PICALM: variants seen among roughly 807,000 people sequenced by gnomAD.
PICALM encodes the protein phosphatidylinositol binding clathrin assembly protein, also known as phosphatidylinositol-binding clathrin assembly protein.
Under a neutral mutation model 80.5 loss-of-function variants are expected in PICALM, and 40 were observed. The ratio of observed to expected loss-of-function variants is 0.50; its 90% CI spans 0.39 to 0.65. The LOEUF (loss-of-function observed/expected upper bound fraction) is 0.65. Among genes scored for constraint, PICALM ranks in the 30% least tolerant of loss-of-function variants. The pLI is 0.00. For missense variants in PICALM, 676 were observed against 778.9 expected (o/e 0.87, Z 1.57); for synonymous variants, 288 against 260.3 (o/e 1.11, Z -1.02).
chr11:86,051,578 T>C (rs2096188366), intron 1 of PICALM, among the ~76,000 whole-genome samples: 2 of 152,132 alleles, frequency 1.3e-5, no homozygotes, highest in African/African-American at 4.8e-5. Flanking sequence ...GGAGAATCAC[T>C]TGAACCTGGG....
intron 1 of PICALM, among the ~76,000 whole-genome samples, chr11:86,044,329 T>C (rs1344378710): frequency 6.6e-6 from 1 of 152,196 alleles, no homozygotes; most frequent in Non-Finnish European, 1.5e-5. Context: ...CTGACCATCA[T>C]GATCAACTAC....
At chr11:85,989,990 C>T (rs572347661) in intron 13 of PICALM, among the ~76,000 whole-genome samples, 14 of 111,342 alleles carry the variant, frequency 1.3e-4, no homozygotes, top group Non-Finnish European at 1.9e-4. Flanking sequence ...CACTATAACA[C>T]GACAGAGAAC....
chr11:86,048,874 A>G (rs1356286411), intron 1 of PICALM, among the ~76,000 whole-genome samples: 1 of 151,916 alleles, frequency 6.6e-6, no homozygotes, highest in Admixed American at 6.6e-5. Flanking sequence ...CTGCCTGCTA[A>G]ACTGTAACTT....
intron 1 of PICALM, among the ~76,000 whole-genome samples, chr11:86,033,370 TC>T (rs1246621894): frequency 1.3e-5 from 2 of 152,084 alleles, no homozygotes; most frequent in Admixed American, 1.3e-4. Flanking sequence ...GATCTGTTCT[TC>T]CCCCCACTGC....
chr11:85,958,669 C>G lies in PICALM; in HGVS notation c.*377G>C. The G allele has an allele frequency of 4.0e-6, 1 of 248,830 alleles. No individual in the cohort carries two copies. Among genetic ancestry groups the G allele is most frequent in the Non-Finnish European group, 7.7e-6 (1 of 129,394 alleles). The allele number at this position is 248,830 out of a possible 1,614,324, so 15.4% of individuals were successfully genotyped here. On this transcript the variant is annotated 3_prime_UTR_variant, in exon 20 of 20. Transcript: ENST00000393346. ...CCCCCAAAAGAGTCCTGTTGAAATA[C>G]AGTAAAGGACACAGTTCTTCTCTCC...
At chr11:86,005,940 G>A (rs969973143) in intron 8 of PICALM, among the ~76,000 whole-genome samples, 8 of 152,102 alleles carry the variant, frequency 5.3e-5, no homozygotes, top group African/African-American at 1.9e-4. Context: ...CAATACAGAG[G>A]AAAAGAGGAA....
intron 19 of PICALM, among the ~76,000 whole-genome samples, chr11:85,970,812 A>C (rs2094083017): frequency 6.6e-6 from 1 of 152,212 alleles, no homozygotes; most frequent in African/African-American, 2.4e-5. Flanking sequence ...CCCACACACA[A>C]AAAAGATTCA....
intron 1 of PICALM, among the ~76,000 whole-genome samples, chr11:86,063,353 T>C (rs2096397870): frequency 7.6e-6 from 1 of 132,388 alleles, no homozygotes; most frequent in South Asian, 2.4e-4. Flanking sequence ...TCCAGATATA[T>C]AAAATATTCA....
chr11:86,055,470 G>C (rs1233862089), intron 1 of PICALM, among the ~76,000 whole-genome samples: 3 of 148,304 alleles, frequency 2.0e-5, no homozygotes, highest in African/African-American at 7.6e-5. Context: ...ATATAAACTG[G>C]ATCAGATTAA....
At position 85,975,592 on chromosome 11, in the gene PICALM, C is replaced by CTTTT. The variant is rs11407535; in HGVS notation, c.1840-784_1840-781dup. ...TTTATGGCCTGAGTTTCTCAGCAGA[C>CTTTT]TTTTTTTTTTTTTTTTTTTTTTGAG... On this transcript the variant is annotated intron_variant, in intron 18 of 19. Transcript: ENST00000393346. Among the ~76,000 whole-genome samples, 488 of 89,614 alleles carry CTTTT rather than the reference C, an allele frequency of 5.4e-3. 10 individuals are homozygous for CTTTT. The highest frequency in any genetic ancestry group is 0.013 in the Middle Eastern group (1 of 76). The allele number at this position is 89,614 out of a possible 152,430, so 58.8% of individuals were successfully genotyped here.
intron 1 of PICALM, among the ~76,000 whole-genome samples, chr11:86,037,563 G>GTT (rs752079070): frequency 7.6e-5 from 11 of 144,546 alleles, no homozygotes; most frequent in African/African-American, 1.8e-4. Context: ...CAGCTCCCTA[G>GTT]TTTTTTTTTT....
intron 1 of PICALM, among the ~76,000 whole-genome samples, chr11:86,065,623 T>C (rs983649329): frequency 6.6e-6 from 1 of 152,138 alleles, no homozygotes; most frequent in Non-Finnish European, 1.5e-5. Flanking sequence ...TCTTCAAATA[T>C]AAGGGCTGCT....
At chr11:86,060,849 T>A (rs141048461) in intron 1 of PICALM, among the ~76,000 whole-genome samples, 3 of 151,940 alleles carry the variant, frequency 2.0e-5, no homozygotes, top group Non-Finnish European at 2.9e-5. Flanking sequence ...AATGGTGACA[T>A]AGAAGACAAT....
chr11:85,966,668 AC>A (rs763418750), intron 19 of PICALM, among the ~76,000 whole-genome samples: 1 of 152,100 alleles, frequency 6.6e-6, no homozygotes, highest in Non-Finnish European at 1.5e-5. Flanking sequence ...CATAAATTTG[AC>A]CCTACTTGGA....
chr11:86,008,185 A>T (rs916250981), intron 7 of PICALM, among the ~76,000 whole-genome samples: 1 of 152,180 alleles, frequency 6.6e-6, no homozygotes, highest in Non-Finnish European at 1.5e-5. Context: ...ATTTCCAGCA[A>T]AAAAAGATAG....
rs1288589028 is a variant in PICALM, at chr11:85,981,971, T to A, written c.1549A>T (p.Thr517Ser). The A allele has an allele frequency of 6.2e-7, 1 of 1,613,108 alleles. No homozygotes were observed. The highest frequency in any genetic ancestry group is 1.3e-5 in the African/African-American group (1 of 74,882). Residue 517 changes from threonine (T) to serine (S), a missense_variant, in exon 15 of 20, where the codon ACA becomes TCA. Around this residue, in one of 2 missense-constraint regions of PICALM, gnomAD observed 391 missense variants for 383.6 expected, o/e 1.02. Transcript: ENST00000393346. ...FDELGGLLKPTVASQNQNLPV... is the reference protein window; with the variant it reads ...FDELGGLLKPSVASQNQNLPV... ...AGGTTCTGGTTCTGAGAGGCCACTGTTGGTTTGAGAAGTCCACCTAGTTCA... is the reference window on the plus strand; with the variant it reads ...AGGTTCTGGTTCTGAGAGGCCACTGATGGTTTGAGAAGTCCACCTAGTTCA...
intron 1 of PICALM, among the ~76,000 whole-genome samples, chr11:86,060,190 T>C (rs1258145577): frequency 6.6e-6 from 1 of 152,212 alleles, no homozygotes; most frequent in African/African-American, 2.4e-5. Flanking sequence ...TCCCTTCTAA[T>C]ACACACTCAT....
In PICALM at chr11:85,990,258, A is replaced by T; in HGVS notation, c.1400T>A (p.Met467Lys). 1 of 1,590,404 alleles carries T rather than the reference A, an allele frequency of 6.3e-7. No individual in the cohort carries two copies. Among genetic ancestry groups the T allele is most frequent in the Non-Finnish European group, 8.6e-7 (1 of 1,162,736 alleles). ...TFTTRTPTHE[M>K]FVGFTPSPVA... ...GTTAAATGGTACTTTACCAACAAACATTTCATGAGTAGGTGTCCTAGTAGT... is the reference window on the plus strand; with the variant it reads ...GTTAAATGGTACTTTACCAACAAACTTTTCATGAGTAGGTGTCCTAGTAGT... The change falls in exon 13 of 20, where the codon ATG (methionine) becomes AAG (lysine). Residue 467 changes from methionine to lysine, a missense_variant. Met to Lys is a moderately conservative substitution (Grantham distance 95, BLOSUM62 -1). Coordinates refer to ENST00000393346, the MANE Select transcript of PICALM (RefSeq NM_007166.4).
intron 17 of PICALM, chr11:85,978,130 A>G: frequency 6.4e-7 from 1 of 1,572,696 alleles, no homozygotes; most frequent in Middle Eastern, 1.7e-4. Context: ...ATAATGCAAT[A>G]ACACTGGATT....
Sources: gnomAD v4.1 joint callset for allele counts (sites outside exome capture counted in the v4.1 genomes callset) on GRCh38, gnomAD v4.1.1 for gene constraint, gnomAD v4.1.1 regional missense constraint, MANE v1.5 for transcripts, NCBI Gene and HGNC (gene_info 2026-07-23, HGNC 2026-07-21) for gene names.